BCLAF3: variants seen among roughly 807,000 people sequenced by gnomAD.
The protein encoded by BCLAF3 is transient octamer binding factor 1.
A neutral mutation model predicts 51.2 loss-of-function variants in BCLAF3; 24 were observed. The ratio of observed to expected loss-of-function variants is 0.47; its 90% CI spans 0.34 to 0.66. The LOEUF (loss-of-function observed/expected upper bound fraction) is 0.66, where lower values mean the gene tolerates loss of function less well. Ranked by LOEUF, BCLAF3 falls within the 30% of genes least tolerant of loss-of-function variation. The probability of loss-of-function intolerance (pLI) is 0.01; values close to 1 mark genes in which losing one functional copy is unlikely to be tolerated. For synonymous variants in BCLAF3, 152 were observed against 176.6 expected (o/e 0.86, Z 1.10); for missense variants, 465 against 525.1 (o/e 0.89, Z 1.12).
chrX:19,981,437 A>G (rs1020025002), intron 1 of BCLAF3, among the ~76,000 whole-genome samples: 2 of 112,277 alleles, frequency 1.8e-5, no homozygotes, highest in African/African-American at 6.5e-5. Flanking sequence ...CAAAATAACA[A>G]GCATTTCAGG....
At chrX:19,935,736 T>C in intron 10 of BCLAF3, 73 bp downstream of exon 10, 1 of 838,786 alleles carries the variant, frequency 1.2e-6, no homozygotes, top group Non-Finnish European at 1.8e-6. Context: ...GCTCTTGATT[T>C]ACTAACACTT....
At chrX:19,988,841 T>C (rs1022156701) in intron 1 of BCLAF3, among the ~76,000 whole-genome samples, 1 of 111,792 alleles carries the variant, frequency 8.9e-6, no homozygotes, top group South Asian at 3.7e-4. Flanking sequence ...ACTTTAAATC[T>C]CTTGTTTGTT....
rs1388514853 is a variant in BCLAF3 at position 19,990,924 on chromosome X, CGCCG to C, written c.-55_-52del. ...GCCGCTCACCCGGCCGGGAAGCCCC[CGCCG>C]CCGCCGCCGCCGCCGCCGCCGCCGC... On this transcript the variant is annotated 5_prime_UTR_variant, in exon 1 of 12. Transcript: ENST00000379682. Among the ~76,000 whole-genome samples the C allele has an allele frequency of 3.8e-4, 4 of 10,489 alleles. No individual in the cohort carries two copies. Among genetic ancestry groups the C allele is most frequent in the African/African-American group, 1.4e-3 (4 of 2,770 alleles). 9.1% of individuals were successfully genotyped at this position (10,489 alleles called of 115,157 possible).
chrX:19,927,822 A>G (rs2070408221), intron 11 of BCLAF3, among the ~76,000 whole-genome samples: 1 of 108,135 alleles, frequency 9.2e-6, no homozygotes, highest in Admixed American at 1.0e-4. Context: ...CATTTAAAAT[A>G]TAATTATTTT....
intron 10 of BCLAF3, among the ~76,000 whole-genome samples, chrX:19,931,578 G>A (rs191409385): frequency 2.7e-5 from 3 of 111,887 alleles, no homozygotes; most frequent in African/African-American, 9.7e-5. Flanking sequence ...TGGGCTGAAC[G>A]AAACTTTTAA....
At chrX:19,974,422 T>C (rs922883461) in intron 1 of BCLAF3, among the ~76,000 whole-genome samples, 1 of 111,794 alleles carries the variant, frequency 8.9e-6, no homozygotes, top group African/African-American at 3.2e-5. Context: ...GGTTCCCAGG[T>C]GATGTGGATG....
At chrX:19,921,950 C>G (rs1019236680) in intron 11 of BCLAF3, among the ~76,000 whole-genome samples, 2 of 110,521 alleles carry the variant, frequency 1.8e-5, no homozygotes, top group Admixed American at 2.0e-4. Context: ...TTGCAGTGAG[C>G]CGAGATCATG....
intron 1 of BCLAF3, among the ~76,000 whole-genome samples, chrX:19,982,169 G>A (rs2072631800): frequency 9.0e-6 from 1 of 111,668 alleles, no homozygotes; most frequent in African/African-American, 3.3e-5. Context: ...CAGGCTGGGC[G>A]TGGTGGCTCA....
chrX:19,974,667 G>T (rs1010014400), intron 1 of BCLAF3, among the ~76,000 whole-genome samples: 1 of 111,058 alleles, frequency 9.0e-6, no homozygotes, highest in Non-Finnish European at 1.9e-5. Context: ...GGATCACGAG[G>T]TCAGGAGATC....
At chrX:19,965,007 A>G (rs751705985) in intron 4 of BCLAF3, 37 bp downstream of exon 4, 2 of 1,034,240 alleles carry the variant, frequency 1.9e-6, no homozygotes, top group African/African-American at 3.8e-5. Context: ...TTGTAGAAAC[A>G]TTATTAAATA....
At chrX:19,977,592 G>A (rs1016581982) in intron 1 of BCLAF3, among the ~76,000 whole-genome samples, 2 of 112,430 alleles carry the variant, frequency 1.8e-5, no homozygotes, top group Non-Finnish European at 3.7e-5. Flanking sequence ...GGCTTGTGAC[G>A]TTTAAGGAAA....
At chrX:19,961,798 T>C (rs1048921600) in intron 4 of BCLAF3, among the ~76,000 whole-genome samples, 2 of 112,408 alleles carry the variant, frequency 1.8e-5, no homozygotes, top group Non-Finnish European at 3.7e-5. Flanking sequence ...TATTTATTTT[T>C]CAGGTCTTTG....
intron 8 of BCLAF3, among the ~76,000 whole-genome samples, chrX:19,940,664 C>T (rs2147814877): frequency 9.2e-6 from 1 of 108,704 alleles, no homozygotes; most frequent in South Asian, 4.0e-4. Flanking sequence ...TTAATCCAGT[C>T]TATCATTGTT....
chrX:19,925,786 T>C (rs1490571523), intron 11 of BCLAF3, among the ~76,000 whole-genome samples: 2 of 111,976 alleles, frequency 1.8e-5, no homozygotes, highest in African/African-American at 3.2e-5. Flanking sequence ...TGAGATAAAA[T>C]GGACTAATAG....
In BCLAF3 at chrX:19,965,115, G is replaced by T; in HGVS notation, c.1203C>A (p.Pro401=). ...ATTTCTTCCTAAGATTGATAGGCGA[G>T]GGTTTCACATCAGGAAGTTTTTGAC... The part of the protein sequence containing the change: ...DKSQKLPDVK[P]SPINLRKKSL... The change falls in exon 4 of 12, where the codon CCC becomes CCA. Residue 401 remains proline (P), a synonymous_variant. Transcript: ENST00000379682. 1 of 1,201,522 alleles carries T rather than the reference G, an allele frequency of 8.3e-7. No homozygotes were observed. Among genetic ancestry groups the T allele is most frequent in the African/African-American group, 1.8e-5 (1 of 57,071 alleles).
chrX:19,937,672 T>C (rs1028875761), intron 8 of BCLAF3, 140 bp from the exon 9 acceptor site: 4 of 386,908 alleles, frequency 1.0e-5, no homozygotes, highest in Non-Finnish European at 1.8e-5. Context: ...CTATCACTAC[T>C]AAAATTACAA....
intron 1 of BCLAF3, among the ~76,000 whole-genome samples, chrX:19,980,538 G>T (rs1380304281): frequency 1.8e-5 from 2 of 111,956 alleles, no homozygotes; most frequent in South Asian, 3.7e-4. Flanking sequence ...AACTAAATGG[G>T]GGAAATGTCA....
chrX:19,962,606 G>T (rs1209278025), intron 4 of BCLAF3, among the ~76,000 whole-genome samples: 1 of 112,324 alleles, frequency 8.9e-6, no homozygotes, highest in Non-Finnish European at 1.9e-5. Context: ...GGAGTGTACT[G>T]ACATCTGCAA....
chrX:19,989,395 CT>C (rs1274390036), intron 1 of BCLAF3, among the ~76,000 whole-genome samples: 4 of 111,432 alleles, frequency 3.6e-5, no homozygotes, highest in Admixed American at 2.9e-4. Flanking sequence ...ACTCGGGAGG[CT>C]GACACAGGGG....
Sources: allele counts gnomAD v4.1 joint callset (sites outside exome capture counted in the v4.1 genomes callset), GRCh38; gene constraint gnomAD v4.1.1; transcripts MANE v1.5; gene names NCBI Gene and HGNC (gene_info 2026-07-23, HGNC 2026-07-21).